Variants in ZMYM5 observed in about 807,000 individuals in gnomAD.
The protein encoded by ZMYM5 is zinc finger MYM-type containing 5, also known as zinc finger MYM-type protein 5.
Under a neutral mutation model 61.8 loss-of-function variants are expected in ZMYM5, and 41 were observed. The observed-to-expected ratio is 0.66, with a 90% CI of 0.52 to 0.86. ZMYM5 has a LOEUF of 0.86. Among genes scored for constraint, ZMYM5 ranks in the 40% least tolerant of loss-of-function variants. The pLI is 0.00. For missense variants in ZMYM5, 706 were observed against 786.7 expected, an observed-to-expected ratio of 0.90 and a Z score of 1.23; for synonymous variants, 257 against 276.4, an observed-to-expected ratio of 0.93 and a Z score of 0.70.
chr13:19,853,980 C>T (rs1268350787), intron 2 of ZMYM5, among the ~76,000 whole-genome samples: 1 of 152,106 alleles, frequency 6.6e-6, no homozygotes, highest in East Asian at 1.9e-4. Flanking sequence ...AGGCAGTCAT[C>T]ACTCCATTTT....
At position 19,828,575 on chromosome 13, in the gene ZMYM5, T is replaced by C. The variant is rs971254302; in HGVS notation, c.1252-3340A>G. ...TTTGGAAAGATTGCTCTAATTGTAT[T>C]ATGAATTCCCAACCTTATGTAAGGA... On this transcript the variant is annotated intron_variant, in intron 7 of 7. Transcript: ENST00000337963. Among the ~76,000 whole-genome samples the C allele has an allele frequency of 2.2e-4, 34 of 152,180 alleles. 1 individual carries two copies. The highest frequency in any genetic ancestry group is 1.8e-3 in the Admixed American group (28 of 15,264).
intron 2 of ZMYM5, among the ~76,000 whole-genome samples, chr13:19,859,589 T>A (rs1183165107): frequency 4.0e-5 from 6 of 151,418 alleles, no homozygotes; most frequent in African/African-American, 1.2e-4. Context: ...TTGTATTTTT[T>A]GTAAAGATGG....
At chr13:19,846,446 G>A (rs1953075223) in intron 4 of ZMYM5, among the ~76,000 whole-genome samples, 1 of 151,920 alleles carries the variant, frequency 6.6e-6, no homozygotes, top group South Asian at 2.1e-4. Flanking sequence ...AGAAAACAGA[G>A]TATTTGTTGC....
intron 2 of ZMYM5, among the ~76,000 whole-genome samples, chr13:19,856,768 C>A (rs1953528654): frequency 6.6e-6 from 1 of 152,082 alleles, no homozygotes; most frequent in African/African-American, 2.4e-5. Context: ...TGAGACCATG[C>A]CACTGCACTC....
chr13:19,830,749 C>T (rs950252079), intron 7 of ZMYM5, among the ~76,000 whole-genome samples: 2 of 152,068 alleles, frequency 1.3e-5, no homozygotes, highest in African/African-American at 4.8e-5. Flanking sequence ...TGGTCTCAAA[C>T]TCCTGAGCTC....
intron 7 of ZMYM5, among the ~76,000 whole-genome samples, chr13:19,832,330 TTTG>T (rs200755797): frequency 1.4e-4 from 22 of 151,904 alleles, no homozygotes; most frequent in African/African-American, 4.1e-4. Context: ...TCATCCTTTT[TTTG>T]TTGTTGTTGT....
At chr13:19,850,359 G>T (rs1434405043) in intron 4 of ZMYM5, among the ~76,000 whole-genome samples, 1 of 152,116 alleles carries the variant, frequency 6.6e-6, no homozygotes, top group Non-Finnish European at 1.5e-5. Flanking sequence ...CAGCACTTGG[G>T]GAGGCTGAGG....
chr13:19,833,533 C>A (rs1362276691), intron 7 of ZMYM5, among the ~76,000 whole-genome samples: 1 of 152,098 alleles, frequency 6.6e-6, no homozygotes, highest in Non-Finnish European at 1.5e-5. Flanking sequence ...ATTATTGCAG[C>A]ATTTTAATGT....
At chr13:19,849,280 C>T (rs1953195564) in intron 4 of ZMYM5, among the ~76,000 whole-genome samples, 1 of 152,012 alleles carries the variant, frequency 6.6e-6, no homozygotes, top group Non-Finnish European at 1.5e-5. Context: ...ATCATGGCGC[C>T]TGGCTAATTT....
chr13:19,838,048 C>T (rs1952730628), intron 5 of ZMYM5, among the ~76,000 whole-genome samples: 1 of 151,874 alleles, frequency 6.6e-6, no homozygotes, highest in Admixed American at 6.6e-5. Flanking sequence ...AAGAACCTTG[C>T]CACAAGTTTT....
chr13:19,837,337 G>A, intron 6 of ZMYM5: 1 of 1,117,400 alleles, frequency 8.9e-7, no homozygotes, highest in Non-Finnish European at 1.2e-6. Flanking sequence ...TAGTTTTCCA[G>A]CCCTTGACCC....
In ZMYM5 at chr13:19,823,652, C is replaced by T. The variant is rs1211283236; in HGVS notation, c.*825G>A. Reference sequence around the variant, plus strand: ...TAACATAACAAATAATGCTGTTTTGCTCAAACAAAGTAGATCACAAGTATT... The same window carrying T: ...TAACATAACAAATAATGCTGTTTTGTTCAAACAAAGTAGATCACAAGTATT... On this transcript the variant is annotated 3_prime_UTR_variant, in exon 8 of 8. Transcript: ENST00000337963. The T allele has an allele frequency of 6.6e-6, 1 of 152,002 alleles. No individual in the cohort carries two copies. The allele number at this position is 152,002 out of a possible 1,614,324, so 9.4% of individuals were successfully genotyped here.
At chr13:19,861,951 T>G (rs1292577284) in intron 2 of ZMYM5, among the ~76,000 whole-genome samples, 1 of 152,128 alleles carries the variant, frequency 6.6e-6, no homozygotes, top group East Asian at 1.9e-4. Flanking sequence ...TAGGAATAGT[T>G]TGACAACTAG....
At chr13:19,854,155 G>A (rs1405573077) in intron 2 of ZMYM5, among the ~76,000 whole-genome samples, 3 of 152,026 alleles carry the variant, frequency 2.0e-5, no homozygotes, top group Non-Finnish European at 4.4e-5. Context: ...GAGTACAGGC[G>A]TGCGCCACCA....
rs1953862761 is a variant in ZMYM5 at position 19,863,633 on chromosome 13, C to G, written c.-262G>C. On this transcript the variant is annotated 5_prime_UTR_variant, in exon 1 of 8. Transcript: ENST00000337963. The stretch of plus-strand genomic sequence containing the variant: ...TCCGCGAGGTCCAGTCCCGGCTTTT[C>G]GCGCTGGTGAGGAGGCGGAGAAGCA... 6.6e-6 allele frequency: 1 copy of G among 152,464 alleles called. No individual in the cohort carries two copies. The highest frequency in any genetic ancestry group is 1.5e-5 in the Non-Finnish European group (1 of 68,152). 9.4% of individuals were successfully genotyped at this position (152,464 alleles called of 1,614,324 possible). A position where few individuals can be genotyped will look rare whatever the true frequency, so the allele number is the denominator to read the frequency against.
intron 7 of ZMYM5, among the ~76,000 whole-genome samples, chr13:19,829,997 A>G (rs1433126946): frequency 6.6e-6 from 1 of 152,140 alleles, no homozygotes; most frequent in African/African-American, 2.4e-5. Context: ...ATTTGTTGTG[A>G]GAACTGTGCT....
chr13:19,829,888 G>T (rs970921710), intron 7 of ZMYM5, among the ~76,000 whole-genome samples: 6 of 152,096 alleles, frequency 3.9e-5, no homozygotes, highest in African/African-American at 1.4e-4. Context: ...CAATGAGGAA[G>T]ATGAAAATTT....
chr13:19,863,145 G>A (rs1324141062), intron 1 of ZMYM5, among the ~76,000 whole-genome samples: 2 of 151,358 alleles, frequency 1.3e-5, no homozygotes, highest in Admixed American at 6.6e-5. Context: ...CTATGCGGCA[G>A]GAGAGAAAGA....
intron 4 of ZMYM5, among the ~76,000 whole-genome samples, chr13:19,844,822 C>G (rs1029433331): frequency 7.2e-5 from 11 of 152,128 alleles, no homozygotes; most frequent in African/African-American, 2.7e-4. Flanking sequence ...GGGGTTTCAT[C>G]ATGTTGGCCA....
Sources: gnomAD v4.1 joint callset for allele counts (sites outside exome capture counted in the v4.1 genomes callset) on GRCh38, gnomAD v4.1.1 for gene constraint, MANE v1.5 for transcripts, NCBI Gene and HGNC (gene_info 2026-07-23, HGNC 2026-07-21) for gene names.